Variants in CDH13 observed in about 807,000 individuals in gnomAD.
CDH13 encodes cadherin 13.
A neutral mutation model predicts 63.8 loss-of-function variants in CDH13; 24 were observed. The observed-to-expected ratio is 0.38, with a 90% CI of 0.27 to 0.53. The LOEUF is 0.53. Among genes scored for constraint, CDH13 ranks in the 20% least tolerant of loss-of-function variants. CDH13 has a pLI of 0.85. For synonymous variants in CDH13, 503 were observed against 355.3 expected, an observed-to-expected ratio of 1.42 and a Z score of -4.67; for missense variants, 1,049 against 903.1, an observed-to-expected ratio of 1.16 and a Z score of -2.07.
At chr16:82,802,312 C>T (rs1331519706) in intron 1 of CDH13, among the ~76,000 whole-genome samples, 1 of 152,178 alleles carries the variant, frequency 6.6e-6, no homozygotes, top group Non-Finnish European at 1.5e-5. Context: ...GTGTCTCCCA[C>T]AACCAGCATT....
At chr16:82,789,043 T>C (rs2036160816) in intron 1 of CDH13, among the ~76,000 whole-genome samples, 1 of 152,216 alleles carries the variant, frequency 6.6e-6, no homozygotes, top group South Asian at 2.1e-4. Context: ...TTGCTCTGAT[T>C]GTTTCTTGTT....
chr16:82,856,191 A>G (rs2039678115), intron 1 of CDH13, among the ~76,000 whole-genome samples: 1 of 151,850 alleles, frequency 6.6e-6, no homozygotes, highest in African/African-American at 2.4e-5. Flanking sequence ...CCTGGCGAAC[A>G]CTGTGAAACC....
At chr16:83,594,014 C>T (rs1022529419) in intron 7 of CDH13, among the ~76,000 whole-genome samples, 8 of 152,198 alleles carry the variant, frequency 5.3e-5, no homozygotes, top group Non-Finnish European at 1.5e-5. Context: ...CATTTCTTAG[C>T]TATACTCTGT....
At chr16:83,290,256 T>A (rs2089434126) in intron 5 of CDH13, among the ~76,000 whole-genome samples, 1 of 152,196 alleles carries the variant, frequency 6.6e-6, no homozygotes. Context: ...TGGGATCTCT[T>A]TTCAAACAAT....
intron 1 of CDH13, among the ~76,000 whole-genome samples, chr16:82,682,738 T>C (rs1295889287): frequency 6.6e-6 from 1 of 152,174 alleles, no homozygotes; most frequent in Non-Finnish European, 1.5e-5. Flanking sequence ...GATAATTAAT[T>C]AGGAAACGGA....
chr16:82,663,704 T>C (rs1395246161), intron 1 of CDH13, among the ~76,000 whole-genome samples: 3 of 152,220 alleles, frequency 2.0e-5, no homozygotes, highest in Non-Finnish European at 4.4e-5. Flanking sequence ...GCTTTTTTCC[T>C]GTTGATCTGG....
At chr16:83,531,268 C>G (rs1258655020) in intron 7 of CDH13, among the ~76,000 whole-genome samples, 1 of 152,182 alleles carries the variant, frequency 6.6e-6, no homozygotes, top group Non-Finnish European at 1.5e-5. Context: ...TCCATTCAGC[C>G]TTTCAGCCTC....
intron 11 of CDH13, among the ~76,000 whole-genome samples, chr16:83,777,799 G>A (rs1420709513): frequency 6.6e-6 from 1 of 152,096 alleles, no homozygotes; most frequent in Non-Finnish European, 1.5e-5. Context: ...AACTTAATAT[G>A]CGTTTCAAAA....
rs1917902965 is a variant in CDH13 at position 83,047,441 on chromosome 16, C to T, written c.366+15223C>T. On this transcript the variant is annotated intron_variant, in intron 3 of 13. Transcript: ENST00000567109. The surrounding 1 kb of genome is among the most constrained non-coding windows in gnomAD (Gnocchi z 4.9). ...AAAGCCTAGTCTGTAAGAGCGTGAC[C>T]ACCAGTCTTATTTACCTTGTTATCT... is the stretch of plus-strand genomic sequence containing the variant. 6.6e-6 allele frequency among the ~76,000 whole-genome samples: 1 copy of T among 152,190 alleles called. No homozygotes were observed. Among genetic ancestry groups the T allele is most frequent in the Admixed American group, 6.5e-5 (1 of 15,280 alleles).
intron 2 of CDH13, chr16:82,858,735 C>T (rs2039808510): frequency 1.7e-6 from 1 of 587,446 alleles, no homozygotes; most frequent in Non-Finnish European, 3.0e-6. Context: ...GGGCTGTCAG[C>T]CTCCAATGAG....
intron 1 of CDH13, among the ~76,000 whole-genome samples, chr16:82,846,650 A>G (rs1009910060): frequency 6.6e-6 from 1 of 152,216 alleles, no homozygotes; most frequent in South Asian, 2.1e-4. Flanking sequence ...TTCTCAATGT[A>G]TAGTCACATA....
chr16:82,833,076 T>C (rs796646554), intron 1 of CDH13, among the ~76,000 whole-genome samples: 1 of 152,326 alleles, frequency 6.6e-6, no homozygotes, highest in African/African-American at 2.4e-5. Context: ...CAGTGTGTTA[T>C]GGTAACATTC....
At chr16:83,064,296 G>T (rs2031823925) in intron 3 of CDH13, among the ~76,000 whole-genome samples, 1 of 152,128 alleles carries the variant, frequency 6.6e-6, no homozygotes, top group South Asian at 2.1e-4. Flanking sequence ...TTGAACCCGG[G>T]AGGTGGAGGT....
intron 5 of CDH13, among the ~76,000 whole-genome samples, chr16:83,341,023 G>A (rs2090709829): frequency 6.6e-6 from 1 of 152,092 alleles, no homozygotes; most frequent in African/African-American, 2.4e-5. Flanking sequence ...GTATTTCATT[G>A]CCTTCTGCCA....
chr16:83,063,320 C>T (rs556246836), intron 3 of CDH13, among the ~76,000 whole-genome samples: 1 of 152,274 alleles, frequency 6.6e-6, no homozygotes, highest in South Asian at 2.1e-4. Flanking sequence ...CTATGGCTCT[C>T]TTGAGGCCCA....
intron 7 of CDH13, among the ~76,000 whole-genome samples, chr16:83,550,088 G>C (rs1189834439): frequency 6.6e-6 from 1 of 152,222 alleles, no homozygotes; most frequent in East Asian, 1.9e-4. Flanking sequence ...GTGATGACTT[G>C]TTCTGACTCT....
intron 6 of CDH13, among the ~76,000 whole-genome samples, chr16:83,468,306 T>G (rs1252154154): frequency 6.6e-6 from 1 of 152,030 alleles, no homozygotes; most frequent in Non-Finnish European, 1.5e-5. Context: ...ACAGGCAAGG[T>G]GAAGGCAGGG....
At chr16:82,859,435 A>G (rs565677336) in intron 2 of CDH13, 1 of 152,226 alleles carries the variant, frequency 6.6e-6, no homozygotes, top group African/African-American at 2.4e-5. Context: ...GCATATGCCT[A>G]TAGTCCCAGC....
chr16:82,997,591 A>G (rs887744728), intron 2 of CDH13, among the ~76,000 whole-genome samples: 4 of 152,136 alleles, frequency 2.6e-5, no homozygotes, highest in Non-Finnish European at 4.4e-5. Context: ...GCTAATGGCA[A>G]TCTTATTTTA....
Sources: allele counts gnomAD v4.1 joint callset (sites outside exome capture counted in the v4.1 genomes callset), GRCh38; gene constraint gnomAD v4.1.1; non-coding constraint Gnocchi (gnomAD v3.1); transcripts MANE v1.5; gene names NCBI Gene and HGNC (gene_info 2026-07-23, HGNC 2026-07-21).